The following PSMD4 variants were observed in gnomAD, a reference collection of about 807,000 sequenced individuals.
PSMD4 encodes the protein 26S proteasome non-ATPase regulatory subunit 4.
Under a neutral mutation model 39.7 loss-of-function variants are expected in PSMD4, and 5 were observed. That is an observed-to-expected ratio of 0.13 (90% CI 0.07 to 0.26). The LOEUF (loss-of-function observed/expected upper bound fraction) is 0.26, where lower values mean the gene tolerates loss of function less well. PSMD4 is among the 10% of genes least tolerant of loss of function. PSMD4 has a pLI of 1.00. For missense variants in PSMD4, 272 were observed against 486.1 expected (o/e 0.56, Z 4.14); for synonymous variants, 143 against 174.6 (o/e 0.82, Z 1.43).
chr1:151,260,614 C>T (rs1463607687), intron 1 of PSMD4, among the ~76,000 whole-genome samples: 1 of 152,116 alleles, frequency 6.6e-6, no homozygotes, highest in African/African-American at 2.4e-5. Flanking sequence ...TGGCTCAATG[C>T]AGCCTCCACC....
At chr1:151,264,340 TAA>T (rs10535117) in intron 3 of PSMD4, among the ~76,000 whole-genome samples, 81,048 of 140,136 alleles carry the variant, frequency 0.58, 22,948 homozygotes, top group Middle Eastern at 0.66. Context: ...CCTGTTTCTC[TAA>T]AAAAAAAAAA....
chr1:151,266,515 C>T lies in PSMD4; in HGVS notation c.896-5C>T. On this transcript the variant is annotated splice_region_variant and splice_polypyrimidine_tract_variant and intron_variant, in intron 8 of 9. Transcript: ENST00000368884. ...TAACTGAACAGACTGACCTCTCTTC[C>T]TCAGAGTTTGGCCAGGCGGAATCAG... 1 of 1,614,208 alleles carries T rather than the reference C, an allele frequency of 6.2e-7. No individual in the cohort carries two copies. The highest frequency in any genetic ancestry group is 8.5e-7 in the Non-Finnish European group (1 of 1,180,036).
In PSMD4 at chr1:151,256,364, AAAAT is replaced by A. The variant is rs1161718731; in HGVS notation, c.26+1584_26+1587del. On this transcript the variant is annotated intron_variant, in intron 1 of 9. Transcript: ENST00000368884. ...CTCTCAAAAAAAAAAAAATAATAAT[AAAAT>A]AAATAAATAAATAAATAAATAAATA... Among the ~76,000 whole-genome samples, 19 of 45,646 alleles carry A rather than the reference AAAAT, an allele frequency of 4.2e-4. 1 individual carries two copies. Among genetic ancestry groups the A allele is most frequent in the African/African-American group, 7.3e-4 (6 of 8,266 alleles). 29.9% of individuals were successfully genotyped at this position (45,646 alleles called of 152,430 possible).
At chr1:151,256,517 C>T (rs1693174894) in intron 1 of PSMD4, among the ~76,000 whole-genome samples, 1 of 149,160 alleles carries the variant, frequency 6.7e-6, no homozygotes, top group South Asian at 2.1e-4. Context: ...CAGCTCACTG[C>T]AACCTCCGCC....
In PSMD4 at chr1:151,258,552, C is replaced by T. The variant is rs150127508; in HGVS notation, c.27-3609C>T. Among the ~76,000 whole-genome samples the T allele has an allele frequency of 7.0e-3, 1,039 of 148,284 alleles. 9 individuals are homozygous for T. The highest frequency in any genetic ancestry group is 0.024 in the African/African-American group (959 of 40,120). ...CTTGGCTCACTGCAGCCTCGACCTC[C>T]GGGGCTCAAGTGATCCTCCTGCCTC... On this transcript the variant is annotated intron_variant, in intron 1 of 9. Transcript: ENST00000368884.
At chr1:151,263,819 G>T in intron 2 of PSMD4, 95 bp from the exon 3 acceptor site, 2 of 879,308 alleles carry the variant, frequency 2.3e-6, no homozygotes, top group South Asian at 1.8e-5. Flanking sequence ...GACAGAGTGA[G>T]ACTCCGTCTA....
At chr1:151,257,071 T>G (rs1207495677) in intron 1 of PSMD4, among the ~76,000 whole-genome samples, 1 of 152,214 alleles carries the variant, frequency 6.6e-6, no homozygotes, top group Non-Finnish European at 1.5e-5. Flanking sequence ...TTTTTATAGT[T>G]TTGGGTTTTA....
At chr1:151,263,202 G>A (rs971735099) in intron 2 of PSMD4, among the ~76,000 whole-genome samples, 14 of 152,142 alleles carry the variant, frequency 9.2e-5, no homozygotes, top group Non-Finnish European at 1.2e-4. Context: ...AGTGGCTCAC[G>A]CCTGTAATCC....
At chr1:151,261,791 CAA>C (rs1020655736) in intron 1 of PSMD4, among the ~76,000 whole-genome samples, 36 of 151,374 alleles carry the variant, frequency 2.4e-4, no homozygotes, top group African/African-American at 8.7e-4. Flanking sequence ...CCTGTCTCTA[CAA>C]AAAAAATTTA....
Position 151,264,685 on chromosome 1 carries a change from G to A in PSMD4, c.283-147G>A, listed in dbSNP as rs905791526. On this transcript the variant is annotated intron_variant, in intron 3 of 9. Coordinates refer to ENST00000368884, the MANE Select transcript of PSMD4 (RefSeq NM_002810.4). Reference sequence around the variant, plus strand: ...GAGAGTCATAGCAAAAAGGGAGGAGGTGGGGGTGTTAAATCTTGTGTGAAC... The same window carrying A: ...GAGAGTCATAGCAAAAAGGGAGGAGATGGGGGTGTTAAATCTTGTGTGAAC... The A allele has an allele frequency of 1.3e-4, 82 of 629,786 alleles. 1 individual carries two copies. The highest frequency in any genetic ancestry group is 7.7e-4 in the Middle Eastern group (3 of 3,884). 39.0% of individuals were successfully genotyped at this position (629,786 alleles called of 1,614,324 possible).
chr1:151,263,522 G>C (rs1217500012), intron 2 of PSMD4, among the ~76,000 whole-genome samples: 1 of 150,486 alleles, frequency 6.6e-6, no homozygotes, highest in Non-Finnish European at 1.5e-5. Flanking sequence ...TTATTATCCA[G>C]GTCTTTAAAG....
chr1:151,265,949 G>C lies in PSMD4; in HGVS notation c.655-55G>C, dbSNP rs901774093. 4.0e-6 allele frequency: 6 copies of C among 1,512,784 alleles called. No homozygotes were observed. The African/African-American group carries it at 8.4e-5, about 21-fold the overall frequency. The allele number at this position is 1,512,784 out of a possible 1,614,324, so 93.7% of individuals were successfully genotyped here. A position where few individuals can be genotyped will look rare whatever the true frequency, so the allele number is the denominator to read the frequency against. On this transcript the variant is annotated intron_variant, in intron 6 of 9. Transcript: ENST00000368884. Reference sequence around the variant, plus strand: ...TCCCACACCCCAACTGACTTTCCCAGCTCCCTGTAGGAGTGAGGGCAGGGG... The same window carrying C: ...TCCCACACCCCAACTGACTTTCCCACCTCCCTGTAGGAGTGAGGGCAGGGG...
rs372632841 is a variant in PSMD4, at chr1:151,266,459, G to A, written c.895+20G>A. 6.2e-7 allele frequency: 1 copy of A among 1,614,070 alleles called. No homozygotes were observed. The highest frequency in any genetic ancestry group is 1.7e-5 in the Admixed American group (1 of 60,004). ...GAGCAGGTGAGCCAGAGCCTGGGTG[G>A]TGCCTAGGCAGAGGTTGGGGTGAGG... is the stretch of plus-strand genomic sequence containing the variant. On this transcript the variant is annotated intron_variant, in intron 8 of 9. Coordinates refer to ENST00000368884, the MANE Select transcript of PSMD4 (RefSeq NM_002810.4).
At chr1:151,258,626 A>C (rs1693240877) in intron 1 of PSMD4, among the ~76,000 whole-genome samples, 1 of 151,080 alleles carries the variant, frequency 6.6e-6, no homozygotes. Context: ...ATGCCCAGCT[A>C]TTTTTTGTAT....
At chr1:151,255,864 C>T (rs1391867926) in intron 1 of PSMD4, among the ~76,000 whole-genome samples, 4 of 152,054 alleles carry the variant, frequency 2.6e-5, no homozygotes, top group Admixed American at 1.3e-4. Context: ...CTTGCACCAA[C>T]GATAGAACAG....
intron 3 of PSMD4, among the ~76,000 whole-genome samples, 184 bp from the exon 4 acceptor site, chr1:151,264,645 CCTT>C (rs1265228921): frequency 6.6e-6 from 1 of 151,996 alleles, no homozygotes; most frequent in Non-Finnish European, 1.5e-5. Context: ...AATTAACCTC[CCTT>C]CTTTATGCAC....
At chr1:151,259,314 C>G (rs186906548) in intron 1 of PSMD4, 1 of 152,212 alleles carries the variant, frequency 6.6e-6, no homozygotes, top group African/African-American at 2.4e-5. Flanking sequence ...TATACTTAAC[C>G]AGCGGAGTAT....
At chr1:151,265,876 A>G in intron 6 of PSMD4, 128 bp from the exon 7 acceptor site, 1 of 1,298,322 alleles carries the variant, frequency 7.7e-7, no homozygotes, top group Non-Finnish European at 1.0e-6. Context: ...TTATCCCTCC[A>G]GCTTCTTCTC....
chr1:151,262,145 A>G lies in PSMD4; in HGVS notation c.27-16A>G. The G allele has an allele frequency of 6.2e-7, 1 of 1,614,034 alleles. No homozygotes were observed. Among genetic ancestry groups the G allele is most frequent in the Non-Finnish European group, 8.5e-7 (1 of 1,179,994 alleles). ...CTACATTTCTTCTCTCTTGTCCTTC[A>G]ACCCTAATCTGACAGTGTGGACAAC... On this transcript the variant is annotated splice_polypyrimidine_tract_variant and intron_variant, in intron 1 of 9. Coordinates refer to ENST00000368884, the MANE Select transcript of PSMD4 (RefSeq NM_002810.4).
Sources: allele counts gnomAD v4.1 joint callset (sites outside exome capture counted in the v4.1 genomes callset), GRCh38; gene constraint gnomAD v4.1.1; transcripts MANE v1.5; gene names NCBI Gene and HGNC (gene_info 2026-07-23, HGNC 2026-07-21).